The following VAT1L variants were observed in gnomAD, a reference collection of about 807,000 sequenced individuals.
VAT1L encodes the protein putative NADPH-dependent quinone oxidoreductase VAT1L.
VAT1L carries 34 observed loss-of-function variants against 44.1 expected under a neutral mutation model. That is an observed-to-expected ratio of 0.77 (90% CI 0.59 to 1.03). The LOEUF is 1.03. Among genes scored for constraint, VAT1L ranks in the 50% least tolerant of loss-of-function variants. The pLI is 0.00. For missense variants in VAT1L, 615 were observed against 538.8 expected (o/e 1.14, Z -1.40); for synonymous variants, 253 against 202.2 (o/e 1.25, Z -2.13).
At position 77,884,481 on chromosome 16, in the gene VAT1L, C is replaced by T; in HGVS notation, c.883-127C>T. 2.5e-6 allele frequency: 2 copies of T among 814,428 alleles called. No individual in the cohort carries two copies. The highest frequency in any genetic ancestry group is 3.6e-6 in the Non-Finnish European group (2 of 549,688). The allele number at this position is 814,428 out of a possible 1,614,324, so 50.5% of individuals were successfully genotyped here. On this transcript the variant is annotated intron_variant, in intron 6 of 8. Coordinates refer to ENST00000302536, the MANE Select transcript of VAT1L (RefSeq NM_020927.3). This position sits in a 1 kb window ranked among gnomAD's most constrained non-coding sequence, Gnocchi z 4.5. ...ACACCACCAAGAGCAACCCCTTGGC[C>T]AGCTGGAATCTGCTGAGCTGCAGCC...
chr16:77,929,104 G>A (rs929051427), intron 7 of VAT1L, among the ~76,000 whole-genome samples: 10 of 152,282 alleles, frequency 6.6e-5, no homozygotes, highest in Admixed American at 2.0e-4. Flanking sequence ...GTGAGCCACC[G>A]TGCCTAGCCG....
chr16:77,953,723 T>C (rs1346643866), intron 7 of VAT1L, among the ~76,000 whole-genome samples: 1 of 152,092 alleles, frequency 6.6e-6, no homozygotes, highest in East Asian at 1.9e-4. Flanking sequence ...CTGGAACTCC[T>C]GGACTCAAGC....
chr16:77,875,668 C>G (rs9921266), intron 4 of VAT1L, among the ~76,000 whole-genome samples: 43,803 of 152,126 alleles, frequency 0.29, 6,559 homozygotes, highest in East Asian at 0.43. Flanking sequence ...TTGTCTAATG[C>G]AGTACAAATG....
At chr16:77,815,609 G>A (rs1328219096) in intron 1 of VAT1L, among the ~76,000 whole-genome samples, 1 of 152,146 alleles carries the variant, frequency 6.6e-6, no homozygotes, top group Non-Finnish European at 1.5e-5. Flanking sequence ...GTGGGCATAG[G>A]TGGAGTTAGA....
chr16:77,821,133 G>A (rs1408174017), intron 2 of VAT1L, among the ~76,000 whole-genome samples: 1 of 152,148 alleles, frequency 6.6e-6, no homozygotes, highest in African/African-American at 2.4e-5. Context: ...CAAGCATTGG[G>A]TCATGCATTG....
intron 3 of VAT1L, among the ~76,000 whole-genome samples, chr16:77,827,213 C>G (rs111855766): frequency 1.1e-4 from 16 of 152,242 alleles, no homozygotes; most frequent in African/African-American, 3.6e-4. Context: ...AGCAAGCAAG[C>G]CATTTAGAAT....
At chr16:77,824,160 G>C (rs996510278) in intron 2 of VAT1L, among the ~76,000 whole-genome samples, 1 of 152,214 alleles carries the variant, frequency 6.6e-6, no homozygotes, top group African/African-American at 2.4e-5. Flanking sequence ...AGTTTGCCAG[G>C]TGAAAGGTGG....
At chr16:77,911,560 T>C (rs1003060456) in intron 7 of VAT1L, among the ~76,000 whole-genome samples, 5 of 152,290 alleles carry the variant, frequency 3.3e-5, no homozygotes, top group African/African-American at 1.2e-4. Flanking sequence ...CCTGACCAAA[T>C]GGCCCTGAGC....
At chr16:77,825,160 C>G (rs2016503934) in intron 2 of VAT1L, 86 bp from the exon 3 acceptor site, 1 of 1,473,488 alleles carries the variant, frequency 6.8e-7, no homozygotes, top group African/African-American at 1.4e-5. Context: ...AGCCACAGCG[C>G]CTGGCCAGCT....
intron 7 of VAT1L, among the ~76,000 whole-genome samples, chr16:77,944,351 A>T (rs2017932833): frequency 6.6e-6 from 1 of 152,200 alleles, no homozygotes; most frequent in Admixed American, 6.5e-5. Context: ...GCCCCTAAAA[A>T]TTGTAACTAA....
In VAT1L at chr16:77,852,593, T is replaced by C. The variant is rs184020772; in HGVS notation, c.580-10155T>C. Among the ~76,000 whole-genome samples the C allele has an allele frequency of 9.2e-5, 14 of 152,348 alleles. No homozygotes were observed. In the East Asian group the frequency reaches 2.7e-3, roughly 29 times the overall value. ...ATGATCCTGGCAAGATTACTCTAAGTTCCCTTGCTCTTTCCGAGCCTTTCT... is the reference window on the plus strand; with the variant it reads ...ATGATCCTGGCAAGATTACTCTAAGCTCCCTTGCTCTTTCCGAGCCTTTCT... On this transcript the variant is annotated intron_variant, in intron 3 of 8. Coordinates refer to ENST00000302536, the MANE Select transcript of VAT1L (RefSeq NM_020927.3).
At chr16:77,835,381 A>T (rs999149340) in intron 3 of VAT1L, among the ~76,000 whole-genome samples, 2 of 152,156 alleles carry the variant, frequency 1.3e-5, no homozygotes, top group Non-Finnish European at 2.9e-5. Context: ...TGTAATATTC[A>T]TTAAATGAGG....
chr16:77,836,489 A>T lies in VAT1L; in HGVS notation c.579+11028A>T, dbSNP rs549432950. On this transcript the variant is annotated intron_variant, in intron 3 of 8. Coordinates refer to ENST00000302536, the MANE Select transcript of VAT1L (RefSeq NM_020927.3). ...TCAGCAGGAAGGGCTATGGCTGGGG[A>T]CTCACTGGAATGATTAAGACCCTCT... Among the ~76,000 whole-genome samples the T allele has an allele frequency of 4.5e-4, 69 of 152,182 alleles. No individual in the cohort carries two copies. The South Asian group carries it at 6.7e-3, about 15-fold the overall frequency.
At chr16:77,834,259 A>G (rs1033461381) in intron 3 of VAT1L, among the ~76,000 whole-genome samples, 1 of 152,124 alleles carries the variant, frequency 6.6e-6, no homozygotes, top group Non-Finnish European at 1.5e-5. Flanking sequence ...ATACCGAAGG[A>G]CTTGCAGCCT....
At chr16:77,872,572 CT>C (rs1196015130) in intron 4 of VAT1L, among the ~76,000 whole-genome samples, 1 of 152,134 alleles carries the variant, frequency 6.6e-6, no homozygotes, top group Non-Finnish European at 1.5e-5. Flanking sequence ...CCAGCCCAAC[CT>C]CAAAGCAAGC....
intron 7 of VAT1L, among the ~76,000 whole-genome samples, chr16:77,926,674 G>T (rs1199689920): frequency 6.6e-6 from 1 of 152,058 alleles, no homozygotes; most frequent in African/African-American, 2.4e-5. Flanking sequence ...AGTATTTCAG[G>T]ATAAAAACTA....
At chr16:77,876,756 A>T (rs1265614795) in intron 5 of VAT1L, among the ~76,000 whole-genome samples, 1 of 152,250 alleles carries the variant, frequency 6.6e-6, no homozygotes, top group Admixed American at 6.5e-5. Context: ...CATCACCCAC[A>T]GAAGGTAGCA....
intron 7 of VAT1L, among the ~76,000 whole-genome samples, chr16:77,919,889 G>A (rs887452140): frequency 1.3e-5 from 2 of 152,172 alleles, no homozygotes; most frequent in East Asian, 1.9e-4. Flanking sequence ...GGAGTTTGAG[G>A]CCAGCCTGGC....
chr16:77,955,903 T>C (rs1425718208), intron 7 of VAT1L, among the ~76,000 whole-genome samples: 1 of 152,160 alleles, frequency 6.6e-6, no homozygotes, highest in Non-Finnish European at 1.5e-5. Context: ...GTCTCATACC[T>C]GGCAACAGTG....
Sources: allele counts gnomAD v4.1 joint callset (sites outside exome capture counted in the v4.1 genomes callset), GRCh38; gene constraint gnomAD v4.1.1; non-coding constraint Gnocchi (gnomAD v3.1); transcripts MANE v1.5; gene names NCBI Gene and HGNC (gene_info 2026-07-23, HGNC 2026-07-21).